The following ASIC2 variants were observed in gnomAD, a reference collection of about 807,000 sequenced individuals.
The protein encoded by ASIC2 is acid-sensing ion channel 2.
A neutral mutation model predicts 57.3 loss-of-function variants in ASIC2; 25 were observed. The observed-to-expected ratio is 0.44, with a 90% CI of 0.32 to 0.61. The LOEUF is 0.61. Ranked by LOEUF, ASIC2 falls within the 20% of genes least tolerant of loss-of-function variation. The pLI is 0.06. For missense variants in ASIC2, 641 were observed against 738.1 expected (o/e 0.87, Z 1.52); for synonymous variants, 319 against 307.5 (o/e 1.04, Z -0.39).
intron 1 of ASIC2, among the ~76,000 whole-genome samples, chr17:33,431,459 C>A (rs1237335212): frequency 1.4e-5 from 2 of 147,350 alleles, no homozygotes; most frequent in Admixed American, 1.4e-4. Context: ...CAAAAATTAC[C>A]CAGGCATGGT....
At chr17:33,447,641 T>G (rs1313704568) in intron 1 of ASIC2, among the ~76,000 whole-genome samples, 1 of 151,984 alleles carries the variant, frequency 6.6e-6, no homozygotes, top group Admixed American at 6.6e-5. Flanking sequence ...CTCTTTTAGT[T>G]GAAAATTACA....
intron 1 of ASIC2, among the ~76,000 whole-genome samples, chr17:33,922,094 G>A (rs995925235): frequency 4.6e-5 from 7 of 152,106 alleles, no homozygotes; most frequent in African/African-American, 1.2e-4. Context: ...AGACCAAGTC[G>A]GGCAGGAATT....
chr17:33,715,738 T>G (rs1909197606), intron 1 of ASIC2, among the ~76,000 whole-genome samples: 1 of 152,164 alleles, frequency 6.6e-6, no homozygotes. Flanking sequence ...TTCCATCTCT[T>G]TCAGCAATCA....
At chr17:33,477,710 G>A (rs527607082) in intron 1 of ASIC2, among the ~76,000 whole-genome samples, 3 of 152,298 alleles carry the variant, frequency 2.0e-5, no homozygotes, top group African/African-American at 4.8e-5. Flanking sequence ...CTTGAATAGG[G>A]AAGACAGCCA....
At chr17:33,376,773 C>A (rs1909292476) in intron 1 of ASIC2, among the ~76,000 whole-genome samples, 1 of 152,198 alleles carries the variant, frequency 6.6e-6, no homozygotes. Context: ...TCTGCCATTG[C>A]TGCCACTTCT....
chr17:33,197,676 G>T (rs1597625521), intron 1 of ASIC2, among the ~76,000 whole-genome samples: 3 of 152,314 alleles, frequency 2.0e-5, no homozygotes, highest in Admixed American at 2.0e-4. Flanking sequence ...GTATCCATGT[G>T]CATGCACAAA....
At chr17:33,193,546 G>A (rs1906511527) in intron 1 of ASIC2, among the ~76,000 whole-genome samples, 1 of 152,178 alleles carries the variant, frequency 6.6e-6, no homozygotes, top group African/African-American at 2.4e-5. Context: ...CACCCACCAT[G>A]CAGAAGGCTG....
intron 1 of ASIC2, among the ~76,000 whole-genome samples, chr17:33,951,547 C>T (rs528066219): frequency 1.3e-5 from 2 of 151,940 alleles, no homozygotes; most frequent in South Asian, 4.2e-4. Context: ...ATACGCTATA[C>T]CTATTCTTCC....
intron 2 of ASIC2, among the ~76,000 whole-genome samples, chr17:33,111,670 T>C (rs1417331706): frequency 6.6e-6 from 1 of 152,082 alleles, no homozygotes; most frequent in African/African-American, 2.4e-5. Flanking sequence ...CATGCCTTCC[T>C]TCCCCCTACC....
chr17:33,671,739 G>C (rs1379899876), intron 1 of ASIC2, among the ~76,000 whole-genome samples: 2 of 152,194 alleles, frequency 1.3e-5, no homozygotes, highest in Non-Finnish European at 2.9e-5. Flanking sequence ...CAGATTAGAT[G>C]TCAGTGTCTC....
intron 1 of ASIC2, among the ~76,000 whole-genome samples, chr17:33,401,013 A>G (rs1296447895): frequency 6.6e-6 from 1 of 152,180 alleles, no homozygotes; most frequent in Non-Finnish European, 1.5e-5. Flanking sequence ...GAGAGATGCC[A>G]TATCGTCGTC....
At chr17:33,134,414 G>T (rs532630550) in intron 1 of ASIC2, among the ~76,000 whole-genome samples, 1 of 152,202 alleles carries the variant, frequency 6.6e-6, no homozygotes, top group Non-Finnish European at 1.5e-5. Context: ...GTGAAAGCAA[G>T]GAGCCCACTC....
intron 7 of ASIC2, 57 bp downstream of exon 7, chr17:33,021,162 T>TGCCC: frequency 5.8e-6 from 4 of 693,998 alleles, no homozygotes; most frequent in East Asian, 2.8e-5. Context: ...CTGTGCATCC[T>TGCCC]CCCTCCCTCC....
intron 1 of ASIC2, among the ~76,000 whole-genome samples, chr17:33,746,412 A>C (rs1910267158): frequency 6.8e-6 from 1 of 147,728 alleles, no homozygotes; most frequent in Non-Finnish European, 1.5e-5. Flanking sequence ...ATGTATGTAT[A>C]TCTGTAGATA....
chr17:33,464,514 T>TTCTCTC (rs1412311271), intron 1 of ASIC2, among the ~76,000 whole-genome samples: 2 of 38,932 alleles, frequency 5.1e-5, no homozygotes, highest in Non-Finnish European at 5.6e-5. Flanking sequence ...CTTTCTTTCT[T>TTCTCTC]TCTTTCTTTC....
At chr17:33,049,836 C>T (rs1005232448) in intron 3 of ASIC2, among the ~76,000 whole-genome samples, 1 of 152,176 alleles carries the variant, frequency 6.6e-6, no homozygotes, top group African/African-American at 2.4e-5. Flanking sequence ...TCCTCTTCCC[C>T]AGGACTGCAC....
rs114446182 is a variant in ASIC2, at chr17:33,897,161, A to C, written c.555+258817T>G. Among the ~76,000 whole-genome samples the C allele has an allele frequency of 8.4e-4, 128 of 152,334 alleles. 1 individual carries two copies. Among genetic ancestry groups the C allele is most frequent in the African/African-American group, 3.0e-3 (126 of 41,570 alleles). ...TGTGTGGTCAGTAGGAAGACTTTGA[A>C]AAGGAGGGATTTTGGAGAAATATGA... is the stretch of plus-strand genomic sequence containing the variant. On this transcript the variant is annotated intron_variant, in intron 1 of 9. Transcript: ENST00000359872.
intron 1 of ASIC2, among the ~76,000 whole-genome samples, chr17:33,147,438 T>G (rs1904606336): frequency 6.6e-6 from 1 of 152,246 alleles, no homozygotes; most frequent in Admixed American, 6.5e-5. Context: ...ACAGGTGGGC[T>G]GATGTTGTCT....
chr17:33,963,615 T>C (rs921524204), intron 1 of ASIC2, among the ~76,000 whole-genome samples: 5 of 151,696 alleles, frequency 3.3e-5, no homozygotes, highest in African/African-American at 7.3e-5. Context: ...ATTGTTATAT[T>C]ATATATTATG....
Sources: gnomAD v4.1 joint callset for allele counts (sites outside exome capture counted in the v4.1 genomes callset) on GRCh38, gnomAD v4.1.1 for gene constraint, MANE v1.5 for transcripts, NCBI Gene and HGNC (gene_info 2026-07-23, HGNC 2026-07-21) for gene names.